Variants in CCDC171 observed in about 807,000 individuals in gnomAD.
CCDC171 encodes coiled-coil domain containing 171.
Under a neutral mutation model 168.2 loss-of-function variants are expected in CCDC171, and 177 were observed. The ratio of observed to expected loss-of-function variants is 1.05; its 90% confidence interval spans 0.93 to 1.19. CCDC171 has a LOEUF of 1.19. Ranked by LOEUF, CCDC171 falls within the 50% of genes most tolerant of loss-of-function variation. CCDC171 has a pLI of 0.00. For missense variants in CCDC171, 1,991 were observed against 1,539.0 expected, an observed-to-expected ratio of 1.29 and a Z score of -4.91; for synonymous variants, 687 against 540.8, an observed-to-expected ratio of 1.27 and a Z score of -3.75.
In CCDC171 at chr9:15,623,351, C is replaced by T. The variant is rs202011112; in HGVS notation, c.760C>T (p.Arg254Ter). The change falls in exon 7 of 26, where the codon CGA becomes TGA. Residue 254 changes from arginine (R) to a stop codon, truncating the protein, a stop_gained. Transcript: ENST00000380701. LOFTEE classifies it high-confidence loss of function. ...TATGGACTGCTCTGACCTTTTACGG[C>T]GACAAACAAGTGAACTTGAATTTAG... ...EHMDCSDLLR[R>*]QTSELEFSTQ... 229 of 1,611,374 alleles carry T rather than the reference C, an allele frequency of 1.4e-4. 1 individual carries two copies. The South Asian group carries it at 1.6e-3, about 11-fold the overall frequency.
At chr9:15,593,669 A>G (rs1300103786) in intron 5 of CCDC171, among the ~76,000 whole-genome samples, 2 of 152,078 alleles carry the variant, frequency 1.3e-5, no homozygotes, top group South Asian at 2.1e-4. Context: ...GTTTATATCT[A>G]TCATATGATA....
At chr9:15,867,188 G>C (rs2061826058) in intron 23 of CCDC171, among the ~76,000 whole-genome samples, 1 of 151,874 alleles carries the variant, frequency 6.6e-6, no homozygotes, top group Non-Finnish European at 1.5e-5. Flanking sequence ...AGTGGATTGT[G>C]GAATGGAATA....
intron 18 of CCDC171, among the ~76,000 whole-genome samples, chr9:15,769,682 C>CT (rs1309742564): frequency 1.6e-4 from 24 of 152,318 alleles, no homozygotes; most frequent in African/African-American, 5.3e-4. Context: ...TCATCATAGT[C>CT]TCCCCCGTAC....
At chr9:15,855,424 A>T (rs1309669904) in intron 23 of CCDC171, among the ~76,000 whole-genome samples, 1 of 151,720 alleles carries the variant, frequency 6.6e-6, no homozygotes, top group Non-Finnish European at 1.5e-5. Flanking sequence ...CTTTTAACCT[A>T]TTGGTGTCTT....
At chr9:15,670,222 T>C (rs949895051) in intron 9 of CCDC171, among the ~76,000 whole-genome samples, 1 of 152,088 alleles carries the variant, frequency 6.6e-6, no homozygotes, top group South Asian at 2.1e-4. Context: ...GTTCCCCCAT[T>C]TCAGTGGACA....
At chr9:15,852,333 A>C (rs1290005767) in intron 23 of CCDC171, among the ~76,000 whole-genome samples, 1 of 151,812 alleles carries the variant, frequency 6.6e-6, no homozygotes, top group Non-Finnish European at 1.5e-5. Context: ...ATGACTAACA[A>C]TGTTGAACAT....
chr9:15,968,525 A>G (rs748147762), intron 25 of CCDC171, among the ~76,000 whole-genome samples: 6 of 147,022 alleles, frequency 4.1e-5, no homozygotes, highest in Non-Finnish European at 7.4e-5. Context: ...GTTTCACCAG[A>G]ATTGTTGCTG....
At chr9:16,065,621 A>G (rs534834456), downstream of CCDC171, among the ~76,000 whole-genome samples, 2 of 152,342 alleles carry the variant, frequency 1.3e-5, no homozygotes, top group East Asian at 3.9e-4. Flanking sequence ...GCAGAGGATT[A>G]GACCAGGTAT....
intron 23 of CCDC171, among the ~76,000 whole-genome samples, chr9:15,854,818 C>A (rs2061284439): frequency 6.6e-6 from 1 of 151,546 alleles, no homozygotes; most frequent in Admixed American, 6.6e-5. Flanking sequence ...AAAATATTTT[C>A]TAATTTCTAT....
At chr9:15,726,833 G>T (rs1404746134) in intron 14 of CCDC171, among the ~76,000 whole-genome samples, 1 of 151,902 alleles carries the variant, frequency 6.6e-6, no homozygotes, top group East Asian at 1.9e-4. Flanking sequence ...AAAAAATCTT[G>T]AGGGAACTTA....
At chr9:15,996,110 G>A (rs557676607) in intron 3 of CCDC171, among the ~76,000 whole-genome samples, 1 of 152,138 alleles carries the variant, frequency 6.6e-6, no homozygotes, top group African/African-American at 2.4e-5. Flanking sequence ...TGTGCTATAG[G>A]TAAACATAAA....
At chr9:15,990,342 G>A (rs1463379294) in intron 3 of CCDC171, among the ~76,000 whole-genome samples, 1 of 152,114 alleles carries the variant, frequency 6.6e-6, no homozygotes, top group Non-Finnish European at 1.5e-5. Context: ...ATAAGCGAAG[G>A]AGAAATAAAA....
chr9:15,978,287 G>A (rs1206960204), downstream of CCDC171, among the ~76,000 whole-genome samples: 7 of 152,218 alleles, frequency 4.6e-5, no homozygotes, highest in Admixed American at 6.5e-5. Context: ...CTATGAAGCA[G>A]AGTTCTCATT....
chr9:15,772,136 C>G (rs755265917), intron 18 of CCDC171, among the ~76,000 whole-genome samples: 1 of 152,032 alleles, frequency 6.6e-6, no homozygotes, highest in Non-Finnish European at 1.5e-5. Context: ...GCCTGGCCTG[C>G]ACCAGTATTT....
the CCDC171 span, among the ~76,000 whole-genome samples, chr9:16,073,296 G>A: frequency 2.6e-5 from 4 of 152,178 alleles, no homozygotes; most frequent in Admixed American, 1.3e-4. Flanking sequence ...GGTCCACAGA[G>A]AGACAATTTG....
chr9:15,686,352 G>A (rs567640800), intron 10 of CCDC171, among the ~76,000 whole-genome samples: 81 of 151,946 alleles, frequency 5.3e-4, no homozygotes, highest in African/African-American at 1.9e-3. Context: ...ATTTGCTCAT[G>A]TGTAAAATGG....
chr9:15,999,277 AGAAAGGAG>A (rs1832465902), intron 3 of CCDC171, among the ~76,000 whole-genome samples: 1 of 151,084 alleles, frequency 6.6e-6, no homozygotes, highest in African/African-American at 2.4e-5. Flanking sequence ...AAAGAAAGAA[AGAAAGGAG>A]GGAGGGAGGG....
chr9:15,802,628 G>A (rs2058881835), intron 21 of CCDC171, among the ~76,000 whole-genome samples: 2 of 152,104 alleles, frequency 1.3e-5, no homozygotes, highest in South Asian at 4.1e-4. Flanking sequence ...TGTTGTATAT[G>A]TTTGACATTT....
At chr9:15,726,838 A>G (rs1373685321) in intron 14 of CCDC171, among the ~76,000 whole-genome samples, 1 of 152,058 alleles carries the variant, frequency 6.6e-6, no homozygotes. Context: ...ATCTTGAGGG[A>G]ACTTATTTTA....
Sources: allele counts gnomAD v4.1 joint callset (sites outside exome capture counted in the v4.1 genomes callset), GRCh38; gene constraint gnomAD v4.1.1; transcripts MANE v1.5; gene names NCBI Gene and HGNC (gene_info 2026-07-23, HGNC 2026-07-21).